Variants in TENM4 observed in about 807,000 individuals in gnomAD.
TENM4 encodes teneurin-4.
In TENM4, 82 loss-of-function variants were observed where a neutral mutation model predicts 243.3. The ratio of observed to expected loss-of-function variants is 0.34; its 90% CI spans 0.28 to 0.40. TENM4 has a LOEUF of 0.40. Ranked by LOEUF, TENM4 falls within the 10% of genes least tolerant of loss-of-function variation. TENM4 has a pLI of 1.00. For synonymous variants in TENM4, 1,412 were observed against 1,456.3 expected (o/e 0.97, Z 0.69); for missense variants, 3,138 against 3,673.3 (o/e 0.85, Z 3.77).
chr11:79,079,318 T>C (rs1860607209), intron 4 of TENM4, among the ~76,000 whole-genome samples: 1 of 152,356 alleles, frequency 6.6e-6, no homozygotes, highest in African/African-American at 2.4e-5. Context: ...ACTGCTTCTC[T>C]GATCCTGAGC....
chr11:79,329,567 G>A (rs909192438), intron 1 of TENM4, among the ~76,000 whole-genome samples: 4 of 152,182 alleles, frequency 2.6e-5, no homozygotes, highest in Admixed American at 6.5e-5. Flanking sequence ...GGTAGTCAAG[G>A]AAGACTTCTC....
rs1855621327 is a variant in TENM4, at chr11:78,889,769, G to A, written c.1084+16C>T. ...CCAAAGAGGAGCAAGGGGAGCTGGG[G>A]TGAAGAGGTGCTTACCCACAAAGTA... On this transcript the variant is annotated intron_variant, in intron 9 of 33. Coordinates refer to ENST00000278550, the MANE Select transcript of TENM4 (RefSeq NM_001098816.3). The A allele has an allele frequency of 6.4e-7, 1 of 1,551,236 alleles. No individual in the cohort carries two copies.
In TENM4 at chr11:79,147,562, T is replaced by C. The variant is rs114116700; in HGVS notation, c.-66+1148A>G. ...AACACTACTGTATCCCTAATGAGTATGCCCGTTCTTTTCTCTCCTTATGAG... is the reference window on the plus strand; with the variant it reads ...AACACTACTGTATCCCTAATGAGTACGCCCGTTCTTTTCTCTCCTTATGAG... On this transcript the variant is annotated intron_variant, in intron 4 of 33. Coordinates refer to ENST00000278550, the MANE Select transcript of TENM4 (RefSeq NM_001098816.3). Among the ~76,000 whole-genome samples, 832 of 152,230 alleles carry C rather than the reference T, an allele frequency of 5.5e-3. 12 individuals are homozygous for C. The highest frequency in any genetic ancestry group is 0.019 in the African/African-American group (787 of 41,560).
intron 1 of TENM4, among the ~76,000 whole-genome samples, chr11:79,427,355 G>A (rs927182443): frequency 1.3e-5 from 2 of 152,116 alleles, no homozygotes; most frequent in Non-Finnish European, 2.9e-5. Context: ...GGTGAGAAAT[G>A]GAATACAACA....
chr11:79,391,854 G>A (rs1858240539), intron 1 of TENM4, among the ~76,000 whole-genome samples: 1 of 152,116 alleles, frequency 6.6e-6, no homozygotes, highest in South Asian at 2.1e-4. Context: ...CTGTGGACAT[G>A]CATTTATTAT....
At chr11:79,218,234 A>ACCT (rs147909182) in intron 2 of TENM4, among the ~76,000 whole-genome samples, 2 of 96,462 alleles carry the variant, frequency 2.1e-5, no homozygotes, top group East Asian at 1.5e-3. Context: ...CCCCCTGCCC[A>ACCT]CCCACCCCCG....
At chr11:79,303,117 T>A (rs922328119) in intron 1 of TENM4, among the ~76,000 whole-genome samples, 5 of 152,238 alleles carry the variant, frequency 3.3e-5, no homozygotes, top group Admixed American at 6.5e-5. Flanking sequence ...TGGCCTTGCC[T>A]GTGTCTGAAG....
At chr11:78,793,754 T>C (rs1394656884) in intron 15 of TENM4, among the ~76,000 whole-genome samples, 4 of 152,238 alleles carry the variant, frequency 2.6e-5, no homozygotes, top group African/African-American at 9.6e-5. Flanking sequence ...TTCACTCCCA[T>C]ATCATAGTTG....
At chr11:78,907,279 G>C (rs1856084270) in intron 6 of TENM4, among the ~76,000 whole-genome samples, 1 of 150,344 alleles carries the variant, frequency 6.7e-6, no homozygotes, top group Non-Finnish European at 1.5e-5. Context: ...ATGGCCAGGA[G>C]GGAAGACAGA....
At chr11:79,017,128 T>G (rs931025623) in intron 6 of TENM4, among the ~76,000 whole-genome samples, 2 of 151,088 alleles carry the variant, frequency 1.3e-5, no homozygotes, top group Non-Finnish European at 2.9e-5. Flanking sequence ...AGGAGATCAA[T>G]TTTTTTCTGC....
In TENM4 at chr11:78,657,889, T is replaced by A. The variant is rs1019867732; in HGVS notation, c.*169A>T. 25 of 1,107,270 alleles carry A rather than the reference T, an allele frequency of 2.3e-5. No homozygotes were observed. In the South Asian group the frequency reaches 3.2e-4, roughly 14 times the overall value. The allele number at this position is 1,107,270 out of a possible 1,614,324, so 68.6% of individuals were successfully genotyped here. A position where few individuals can be genotyped will look rare whatever the true frequency, so the allele number is the denominator to read the frequency against. On this transcript the variant is annotated 3_prime_UTR_variant, in exon 34 of 34. Transcript: ENST00000278550. ...TTGCAAAAAATGTGCGAAGGCCAAA[T>A]CTGTGTTTTTCTTTTCTAAAAAAAA... is the stretch of plus-strand genomic sequence containing the variant.
At chr11:78,935,200 A>T (rs1210273038) in intron 6 of TENM4, among the ~76,000 whole-genome samples, 1 of 150,508 alleles carries the variant, frequency 6.6e-6, no homozygotes, top group East Asian at 2.0e-4. Context: ...TTTAGTAGAG[A>T]CGGGGTTTCA....
intron 12 of TENM4, among the ~76,000 whole-genome samples, chr11:78,847,838 TGAA>T (rs1380233788): frequency 6.6e-6 from 1 of 152,232 alleles, no homozygotes; most frequent in Non-Finnish European, 1.5e-5. Flanking sequence ...GTGTCTTCAA[TGAA>T]GTAGTGCAGG....
intron 3 of TENM4, among the ~76,000 whole-genome samples, chr11:79,184,231 C>A (rs958351451): frequency 1.3e-5 from 2 of 152,144 alleles, no homozygotes; most frequent in African/African-American, 4.8e-5. Flanking sequence ...CAGCCCCCAA[C>A]CTTTTTGGTA....
chr11:79,423,870 T>C (rs185194853), intron 1 of TENM4, among the ~76,000 whole-genome samples: 10 of 152,220 alleles, frequency 6.6e-5, no homozygotes, highest in Admixed American at 6.5e-4. Flanking sequence ...GAAAATATGT[T>C]CTCATCCTTC....
intron 6 of TENM4, among the ~76,000 whole-genome samples, chr11:78,956,799 T>TA (rs1268851070): frequency 6.6e-6 from 1 of 152,218 alleles, no homozygotes; most frequent in Non-Finnish European, 1.5e-5. Flanking sequence ...GGAGTCATTT[T>TA]AAAATCCCAT....
intron 2 of TENM4, chr11:79,269,617 C>T (rs56981671): frequency 0.024 from 3,597 of 152,342 alleles, 132 homozygotes; most frequent in East Asian, 0.12. Context: ...CAGGGCTCCT[C>T]AGGGCTCCTC....
chr11:78,879,825 G>A (rs1183638071), intron 9 of TENM4, among the ~76,000 whole-genome samples: 1 of 151,734 alleles, frequency 6.6e-6, no homozygotes, highest in Non-Finnish European at 1.5e-5. Flanking sequence ...CATCTGGGAG[G>A]TGAGGAGCAC....
chr11:79,348,530 C>G (rs377290883), intron 1 of TENM4, among the ~76,000 whole-genome samples: 87 of 152,258 alleles, frequency 5.7e-4, no homozygotes, highest in African/African-American at 2.0e-3. Context: ...GAATTAACCC[C>G]CACTGTGATG....
Sources: allele counts gnomAD v4.1 joint callset (sites outside exome capture counted in the v4.1 genomes callset), GRCh38; gene constraint gnomAD v4.1.1; transcripts MANE v1.5; gene names NCBI Gene and HGNC (gene_info 2026-07-23, HGNC 2026-07-21).